The following EFCAB13 variants were observed in gnomAD, a reference collection of about 807,000 sequenced individuals.
The protein encoded by EFCAB13 is EF-hand calcium binding domain 13.
EFCAB13 carries 91 observed loss-of-function variants against 110.2 expected under a neutral mutation model. The observed-to-expected ratio is 0.83, with a 90% CI of 0.70 to 0.98. The LOEUF (loss-of-function observed/expected upper bound fraction) is 0.98, where lower values mean the gene tolerates loss of function less well. Ranked by LOEUF, EFCAB13 falls within the 50% of genes least tolerant of loss-of-function variation. The pLI, the probability that EFCAB13 is intolerant of heterozygous loss-of-function variation, is 0.00. For synonymous variants in EFCAB13, 323 were observed against 369.9 expected, an observed-to-expected ratio of 0.87 and a Z score of 1.45; for missense variants, 968 against 1,119.4, an observed-to-expected ratio of 0.86 and a Z score of 1.93.
chr17:47,353,262 T>G (rs866031264), intron 9 of EFCAB13, among the ~76,000 whole-genome samples: 1 of 151,828 alleles, frequency 6.6e-6, no homozygotes, highest in African/African-American at 2.4e-5. Context: ...CCTTTTATAG[T>G]GAATCAGATT....
chr17:47,395,209 G>C, intron 16 of EFCAB13, among the ~76,000 whole-genome samples: 1 of 152,124 alleles, frequency 6.6e-6, no homozygotes, highest in East Asian at 1.9e-4. Context: ...CTTCCTTCTT[G>C]TGTCTGACAG....
At chr17:47,372,938 C>T (rs1388395692) in intron 11 of EFCAB13, among the ~76,000 whole-genome samples, 1 of 152,010 alleles carries the variant, frequency 6.6e-6, no homozygotes, top group Non-Finnish European at 1.5e-5. Context: ...TTTGGCCTTC[C>T]TGTACCTGGA....
Position 47,377,866 on chromosome 17 carries a change from A to G in EFCAB13, c.1473A>G (p.Glu491=), listed in dbSNP as rs375299592. ...LPSTGINLLD[E]EFQKIVTDTS... ...CAACAGGAATTAATTTATTAGATGA[A>G]GAATTCCAGAAGATTGTGACAGACA... Residue 491 remains glutamate (E), a synonymous_variant, in exon 13 of 25, where the codon GAA becomes GAG. Coordinates refer to ENST00000331493, the MANE Select transcript of EFCAB13 (RefSeq NM_152347.5). 1.3e-6 allele frequency: 2 copies of G among 1,595,988 alleles called. No homozygotes were observed.
intron 24 of EFCAB13, 23 bp from the exon 25 acceptor site, chr17:47,440,403 TTTAAG>T: frequency 6.6e-7 from 1 of 1,524,010 alleles, no homozygotes; most frequent in Non-Finnish European, 8.8e-7. Context: ...AATTCTTTCT[TTTAAG>T]TAAATTATGC....
chr17:47,335,413 G>A, intron 5 of EFCAB13, 57 bp downstream of exon 5: 2 of 1,430,708 alleles, frequency 1.4e-6, no homozygotes, highest in Admixed American at 4.4e-5. Flanking sequence ...AGTTAAGAAT[G>A]CCAAAATGTA....
intron 14 of EFCAB13, among the ~76,000 whole-genome samples, chr17:47,380,200 A>G (rs2065639028): frequency 6.6e-6 from 1 of 152,104 alleles, no homozygotes; most frequent in Non-Finnish European, 1.5e-5. Context: ...CATCTACATT[A>G]GGTATTTCTC....
chr17:47,438,083 T>C (rs919430008), intron 24 of EFCAB13, among the ~76,000 whole-genome samples: 1 of 152,196 alleles, frequency 6.6e-6, no homozygotes, highest in Non-Finnish European at 1.5e-5. Context: ...GATAATTGTT[T>C]TGTTTGAAGA....
intron 24 of EFCAB13, among the ~76,000 whole-genome samples, chr17:47,433,216 G>C (rs1905152246): frequency 6.6e-6 from 1 of 152,004 alleles, no homozygotes; most frequent in African/African-American, 2.4e-5. Context: ...GATTAGCCTG[G>C]GGTTATGCGC....
At chr17:47,426,957 C>A (rs1904983590) in intron 23 of EFCAB13, among the ~76,000 whole-genome samples, 1 of 151,966 alleles carries the variant, frequency 6.6e-6, no homozygotes, top group Non-Finnish European at 1.5e-5. Flanking sequence ...GGATAAATAA[C>A]CTTATTATAT....
chr17:47,402,327 T>C, intron 18 of EFCAB13, 124 bp downstream of exon 18: 2 of 877,276 alleles, frequency 2.3e-6, no homozygotes, highest in African/African-American at 1.7e-5. Flanking sequence ...GATATGTTTA[T>C]ACGCAGATGA....
chr17:47,379,250 A>C lies in EFCAB13; in HGVS notation c.1579A>C (p.Asn527His). Residue 527 changes from asparagine to histidine, a missense_variant, in exon 14 of 25, where the codon AAT becomes CAT. Physicochemically the swap from Asn to His is moderately conservative, Grantham distance 68 (BLOSUM62 1). Transcript: ENST00000331493. ...CAAGGAGCGAAGTTTTCCTGAATGC[A>C]ATGGTAGGTAGGAAATTTGTTTTAA... The part of the protein sequence containing the change: ...LAKERSFPEC[N>H]ALPGVIKAID... 6.2e-7 allele frequency: 1 copy of C among 1,611,352 alleles called. No individual in the cohort carries two copies. The highest frequency in any genetic ancestry group is 8.5e-7 in the Non-Finnish European group (1 of 1,177,772).
intron 9 of EFCAB13, among the ~76,000 whole-genome samples, chr17:47,358,466 A>AT (rs1305026092): frequency 6.6e-6 from 1 of 152,030 alleles, no homozygotes; most frequent in Non-Finnish European, 1.5e-5. Context: ...TCATTTATAT[A>AT]TTTTTTCTAT....
At chr17:47,340,893 G>C (rs1187758183) in intron 5 of EFCAB13, among the ~76,000 whole-genome samples, 2 of 150,718 alleles carry the variant, frequency 1.3e-5, no homozygotes, top group Non-Finnish European at 2.9e-5. Context: ...TGTGATTACA[G>C]GCATGAGCTA....
chr17:47,429,699 A>G, intron 23 of EFCAB13, 119 bp from the exon 24 acceptor site: 1 of 1,276,438 alleles, frequency 7.8e-7, no homozygotes, highest in Non-Finnish European at 1.1e-6. Flanking sequence ...AAATAGTTCC[A>G]TGTACAATTC....
At chr17:47,383,935 G>A (rs2065660882) in intron 14 of EFCAB13, among the ~76,000 whole-genome samples, 1 of 152,068 alleles carries the variant, frequency 6.6e-6, no homozygotes, top group South Asian at 2.1e-4. Flanking sequence ...TTGATAGTGG[G>A]GTGTGAAATT....
intron 21 of EFCAB13, among the ~76,000 whole-genome samples, chr17:47,409,954 A>G (rs145263133): frequency 1.7e-3 from 255 of 152,196 alleles, no homozygotes; most frequent in African/African-American, 5.9e-3. Flanking sequence ...CTGTACTTCA[A>G]CTAAATTGGC....
intron 17 of EFCAB13, among the ~76,000 whole-genome samples, chr17:47,397,768 C>A (rs1480125215): frequency 6.6e-6 from 1 of 151,554 alleles, no homozygotes; most frequent in Non-Finnish European, 1.5e-5. Flanking sequence ...AGGAGACCCT[C>A]CGCCTGGCAA....
At chr17:47,367,734 A>G (rs1205452855) in intron 10 of EFCAB13, among the ~76,000 whole-genome samples, 1 of 152,138 alleles carries the variant, frequency 6.6e-6, no homozygotes, top group African/African-American at 2.4e-5. Context: ...CAGGAACTGA[A>G]CTTCTTTTTC....
chr17:47,377,642 T>C (rs2065623621), intron 12 of EFCAB13, 124 bp from the exon 13 acceptor site: 1 of 761,292 alleles, frequency 1.3e-6, no homozygotes, highest in Non-Finnish European at 2.0e-6. Flanking sequence ...AGCAGTCTTA[T>C]AAAATCTATA....
Sources: gnomAD v4.1 joint callset for allele counts (sites outside exome capture counted in the v4.1 genomes callset) on GRCh38, gnomAD v4.1.1 for gene constraint, MANE v1.5 for transcripts, NCBI Gene and HGNC (gene_info 2026-07-23, HGNC 2026-07-21) for gene names.